Variants in CDYL2 observed in about 807,000 individuals in gnomAD.
CDYL2 encodes chromodomain Y-like protein 2.
Under a neutral mutation model 49.4 loss-of-function variants are expected in CDYL2, and 23 were observed. The observed-to-expected ratio is 0.47, with a 90% confidence interval of 0.34 to 0.66. The LOEUF (loss-of-function observed/expected upper bound fraction) is 0.66, where lower values mean the gene tolerates loss of function less well. Ranked by LOEUF, CDYL2 falls within the 30% of genes least tolerant of loss-of-function variation. CDYL2 has a pLI of 0.01. For synonymous variants in CDYL2, 360 were observed against 268.8 expected, an observed-to-expected ratio of 1.34 and a Z score of -3.32; for missense variants, 678 against 656.4, an observed-to-expected ratio of 1.03 and a Z score of -0.36.
At chr16:80,741,696 T>C (rs1017100840) in intron 1 of CDYL2, among the ~76,000 whole-genome samples, 1 of 152,200 alleles carries the variant, frequency 6.6e-6, no homozygotes, top group African/African-American at 2.4e-5. Flanking sequence ...AAATAAAAGA[T>C]ATTTAAATTC....
intron 3 of CDYL2, among the ~76,000 whole-genome samples, chr16:80,625,821 A>C (rs185250017): frequency 1.4e-3 from 214 of 152,350 alleles, no homozygotes; most frequent in African/African-American, 4.9e-3. Flanking sequence ...GTGCTGAGGA[A>C]AACAACTGTC....
chr16:80,611,768 G>A (rs537004115), intron 5 of CDYL2, among the ~76,000 whole-genome samples: 48 of 152,284 alleles, frequency 3.2e-4, no homozygotes, highest in African/African-American at 8.2e-4. Context: ...CGTGGACGGC[G>A]TTGACAGCCC....
rs200656249 is a variant in CDYL2, at chr16:80,770,553, C to CA, written c.24+33596dup. 6.2e-4 allele frequency among the ~76,000 whole-genome samples: 93 copies of CA among 149,208 alleles called. 1 individual carries two copies. Among genetic ancestry groups the CA allele is most frequent in the East Asian group, 5.9e-4 (3 of 5,104 alleles). ...ACCACCCATATATTTTTCCTGCCCA[C>CA]AAAAAAAAATAGAATTATACCACTG... On this transcript the variant is annotated intron_variant, in intron 1 of 6. Coordinates refer to ENST00000570137, the MANE Select transcript of CDYL2 (RefSeq NM_152342.4).
At chr16:80,672,487 A>C (rs1023377660) in intron 2 of CDYL2, among the ~76,000 whole-genome samples, 6 of 149,474 alleles carry the variant, frequency 4.0e-5, no homozygotes, top group African/African-American at 1.5e-4. Context: ...AAAGAAAGGA[A>C]AGAAAGAAGG....
At chr16:80,613,563 G>A (rs946942467) in intron 4 of CDYL2, among the ~76,000 whole-genome samples, 10 of 152,140 alleles carry the variant, frequency 6.6e-5, no homozygotes, top group African/African-American at 2.2e-4. Flanking sequence ...CTGTAGGAAG[G>A]AGCTACAATC....
rs755864761 is a variant in CDYL2, at chr16:80,664,869, G to GCT, written c.616+19668_616+19669insAG. 3.5e-3 allele frequency among the ~76,000 whole-genome samples: 536 copies of GCT among 152,306 alleles called. 3 individuals are homozygous for GCT. The highest frequency in any genetic ancestry group is 6.1e-3 in the Admixed American group (94 of 15,304). ...ATGACCCTCCCTGCTAGGATTAACT[G>GCT]AGGAACTGCCAGTGCTAGCAAGAGG... On this transcript the variant is annotated intron_variant, in intron 2 of 6. Coordinates refer to ENST00000570137, the MANE Select transcript of CDYL2 (RefSeq NM_152342.4).
At chr16:80,647,882 A>T (rs1464660329) in intron 2 of CDYL2, among the ~76,000 whole-genome samples, 2 of 152,186 alleles carry the variant, frequency 1.3e-5, no homozygotes, top group Non-Finnish European at 2.9e-5. Context: ...AATTTTAGAA[A>T]CTATACAAAT....
intron 2 of CDYL2, among the ~76,000 whole-genome samples, chr16:80,678,910 C>T (rs1244293741): frequency 6.6e-6 from 1 of 151,164 alleles, no homozygotes. Flanking sequence ...GGCACATATA[C>T]ACCATGGAAT....
intron 3 of CDYL2, among the ~76,000 whole-genome samples, chr16:80,622,076 G>C (rs1034616646): frequency 2.0e-5 from 3 of 152,202 alleles, no homozygotes; most frequent in African/African-American, 7.2e-5. Flanking sequence ...GTTAGAGGTG[G>C]ATTTGAGCCC....
At chr16:80,750,971 G>T (rs1018516306) in intron 1 of CDYL2, among the ~76,000 whole-genome samples, 8 of 152,020 alleles carry the variant, frequency 5.3e-5, no homozygotes, top group East Asian at 1.9e-4. Context: ...AGTGAGCCAA[G>T]ATCGCACCAC....
intron 1 of CDYL2, among the ~76,000 whole-genome samples, chr16:80,705,332 G>A (rs924044863): frequency 1.3e-5 from 2 of 152,210 alleles, no homozygotes; most frequent in Non-Finnish European, 2.9e-5. Flanking sequence ...TCTGGCCAAA[G>A]GCCACTTTTG....
At chr16:80,621,931 T>C (rs1399600156) in intron 3 of CDYL2, among the ~76,000 whole-genome samples, 5 of 152,170 alleles carry the variant, frequency 3.3e-5, no homozygotes, top group Admixed American at 6.5e-5. Context: ...GAACATGTAC[T>C]GCAGGCCAGG....
chr16:80,685,327 G>A (rs1247440267), intron 1 of CDYL2, among the ~76,000 whole-genome samples, 198 bp from the exon 2 acceptor site: 1 of 152,198 alleles, frequency 6.6e-6, no homozygotes, highest in African/African-American at 2.4e-5. Context: ...GACATCACTG[G>A]ATGGAACCTA....
chr16:80,710,257 C>A (rs1370470423), intron 1 of CDYL2, among the ~76,000 whole-genome samples: 1 of 152,138 alleles, frequency 6.6e-6, no homozygotes, highest in Admixed American at 6.6e-5. Flanking sequence ...ATGCTCAAGT[C>A]ATATTATAGC....
intron 3 of CDYL2, among the ~76,000 whole-genome samples, chr16:80,629,935 A>G (rs1159885757): frequency 6.6e-6 from 1 of 152,152 alleles, no homozygotes; most frequent in Admixed American, 6.5e-5. Flanking sequence ...TGCATACATT[A>G]TCTCTAATCT....
At chr16:80,632,371 C>T (rs13338587) in intron 3 of CDYL2, among the ~76,000 whole-genome samples, 65,257 of 151,978 alleles carry the variant, frequency 0.43, 15,986 homozygotes, top group African/African-American at 0.68. Context: ...GGCAAATCTA[C>T]AGAGACAGAA....
intron 2 of CDYL2, among the ~76,000 whole-genome samples, chr16:80,642,401 C>T (rs1326027890): frequency 6.6e-6 from 1 of 152,118 alleles, no homozygotes; most frequent in Non-Finnish European, 1.5e-5. Context: ...AAGATCTCGC[C>T]ACTGCAGTCT....
At chr16:80,652,308 T>C (rs1221019656) in intron 2 of CDYL2, among the ~76,000 whole-genome samples, 1 of 152,078 alleles carries the variant, frequency 6.6e-6, no homozygotes, top group African/African-American at 2.4e-5. Flanking sequence ...GATGGGAGTA[T>C]GTCAAAAGGA....
chr16:80,794,358 T>C (rs1297058427), intron 1 of CDYL2, among the ~76,000 whole-genome samples: 2 of 152,146 alleles, frequency 1.3e-5, no homozygotes, highest in Non-Finnish European at 2.9e-5. Context: ...TGAGGAGACA[T>C]GGATAGGCCT....
Sources: allele counts gnomAD v4.1 joint callset (sites outside exome capture counted in the v4.1 genomes callset), GRCh38; gene constraint gnomAD v4.1.1; transcripts MANE v1.5; gene names NCBI Gene and HGNC (gene_info 2026-07-23, HGNC 2026-07-21).